Variants in WDR72 observed in about 807,000 individuals in gnomAD.
WDR72 encodes the protein WD repeat-containing protein 72.
In WDR72, 120 loss-of-function variants were observed where a neutral mutation model predicts 124.2. The ratio of observed to expected loss-of-function variants is 0.97; its 90% CI spans 0.83 to 1.12. The LOEUF (loss-of-function observed/expected upper bound fraction) is 1.12, where lower values mean the gene tolerates loss of function less well. WDR72 is among the 50% of genes most tolerant of loss of function. The pLI is 0.00. For missense variants in WDR72, 1,387 were observed against 1,278.8 expected, an observed-to-expected ratio of 1.08 and a Z score of -1.29; for synonymous variants, 452 against 441.7, an observed-to-expected ratio of 1.02 and a Z score of -0.29.
intron 1 of WDR72, among the ~76,000 whole-genome samples, chr15:53,741,514 C>T (rs58710249): frequency 0.06 from 9,170 of 152,162 alleles, 955 homozygotes; most frequent in African/African-American, 0.21. Flanking sequence ...TAGGTTACTA[C>T]CACCTGAGCT....
At chr15:53,540,951 G>C (rs182688554) in intron 18 of WDR72, 1 of 157,248 alleles carries the variant, frequency 6.4e-6, no homozygotes, top group African/African-American at 2.4e-5. Flanking sequence ...AAAAAACGGC[G>C]CACCACGAGA....
chr15:53,708,482 T>C (rs1180089224), intron 9 of WDR72, among the ~76,000 whole-genome samples: 1 of 152,162 alleles, frequency 6.6e-6, no homozygotes, highest in East Asian at 1.9e-4. Flanking sequence ...TTTTAACAAT[T>C]CTGGTAATTC....
chr15:53,580,708 A>G (rs1233554512), intron 18 of WDR72, among the ~76,000 whole-genome samples: 2 of 152,020 alleles, frequency 1.3e-5, no homozygotes, highest in African/African-American at 4.8e-5. Flanking sequence ...AAATCATGAG[A>G]TAAGCCTTAA....
At chr15:53,609,817 G>A (rs1792588595) in intron 16 of WDR72, among the ~76,000 whole-genome samples, 1 of 147,074 alleles carries the variant, frequency 6.8e-6, no homozygotes, top group African/African-American at 2.5e-5. Flanking sequence ...ATACAGCCAG[G>A]GTTCACATCC....
Position 53,523,147 on chromosome 15 carries a change from C to T in WDR72, c.3253+71G>A, listed in dbSNP as rs889339772. ...GCATTACAATGTCCTCTCCCCTCAC[C>T]CCCTTCCAAGGACCCCAAAGCTGTG... On this transcript the variant is annotated intron_variant, in intron 19 of 19. Coordinates refer to ENST00000360509, the MANE Select transcript of WDR72 (RefSeq NM_182758.4). The T allele has an allele frequency of 9.9e-6, 14 of 1,418,458 alleles. No homozygotes were observed. In the African/African-American group the frequency reaches 2.0e-4, roughly 20 times the overall value. The allele number at this position is 1,418,458 out of a possible 1,614,324, so 87.9% of individuals were successfully genotyped here. A position where few individuals can be genotyped will look rare whatever the true frequency, so the allele number is the denominator to read the frequency against.
rs1294233518 is a variant in WDR72, at chr15:53,665,569, T to C, written c.1962+3A>G. 6.2e-7 allele frequency: 1 copy of C among 1,613,632 alleles called. No homozygotes were observed. The highest frequency in any genetic ancestry group is 1.3e-5 in the African/African-American group (1 of 74,906). On this transcript the variant is annotated splice_donor_region_variant and intron_variant, in intron 14 of 19. Transcript: ENST00000360509. ...TGTGAACAACAGCTTGATTTGAACT[T>C]ACCTTACATGAAGACTCCACCTGCA...
intron 14 of WDR72, among the ~76,000 whole-genome samples, chr15:53,619,375 G>GTTA: frequency 6.6e-6 from 1 of 151,548 alleles, no homozygotes; most frequent in South Asian, 2.1e-4. Context: ...GTGAATACCA[G>GTTA]GTATCCAGGG....
intron 14 of WDR72, among the ~76,000 whole-genome samples, chr15:53,637,704 C>G (rs1027028451): frequency 6.6e-6 from 1 of 152,180 alleles, no homozygotes; most frequent in African/African-American, 2.4e-5. Flanking sequence ...CCCCTCTTCT[C>G]AGCTTCTATC....
intron 13 of WDR72, among the ~76,000 whole-genome samples, chr15:53,672,661 T>G (rs1595837364): frequency 6.6e-6 from 1 of 152,274 alleles, no homozygotes; most frequent in East Asian, 1.9e-4. Flanking sequence ...AAGAGCACAC[T>G]TCTATACATC....
intron 18 of WDR72, among the ~76,000 whole-genome samples, chr15:53,585,263 G>A (rs1052356279): frequency 1.3e-5 from 2 of 151,978 alleles, no homozygotes; most frequent in Admixed American, 1.3e-4. Context: ...GGGGAAGCAG[G>A]CACCTTCTTT....
intron 18 of WDR72, among the ~76,000 whole-genome samples, chr15:53,560,342 A>G (rs186136943): frequency 6.6e-6 from 1 of 151,922 alleles, no homozygotes; most frequent in South Asian, 2.1e-4. Flanking sequence ...AAAAACAACA[A>G]CAAAACAAAA....
intron 1 of WDR72, among the ~76,000 whole-genome samples, chr15:53,750,270 G>A (rs2018742517): frequency 6.6e-6 from 1 of 152,060 alleles, no homozygotes; most frequent in Admixed American, 6.6e-5. Context: ...AACAATTCTA[G>A]GGCCCTTAAG....
intron 18 of WDR72, among the ~76,000 whole-genome samples, chr15:53,541,332 AC>A (rs1893117998): frequency 6.6e-6 from 1 of 151,914 alleles, no homozygotes; most frequent in South Asian, 2.1e-4. Flanking sequence ...TGGGTCCCTG[AC>A]CCCTGACCCC....
chr15:53,545,161 ACT>A (rs1224985899), intron 18 of WDR72, among the ~76,000 whole-genome samples: 11 of 151,002 alleles, frequency 7.3e-5, no homozygotes, highest in African/African-American at 2.5e-4. Context: ...GGAAAAAACT[ACT>A]TTAAAGTTCA....
chr15:53,585,129 T>C (rs1161009140), intron 18 of WDR72, among the ~76,000 whole-genome samples: 1 of 151,998 alleles, frequency 6.6e-6, no homozygotes, highest in Non-Finnish European at 1.5e-5. Context: ...ATTAGTCTAT[T>C]TTCACACTGC....
intron 18 of WDR72, among the ~76,000 whole-genome samples, chr15:53,535,993 C>T (rs145964008): frequency 2.0e-5 from 3 of 152,276 alleles, no homozygotes; most frequent in South Asian, 2.1e-4. Context: ...TGCCTGCATG[C>T]GTGTTTAAAG....
At chr15:53,536,535 T>G (rs1022435614) in intron 18 of WDR72, among the ~76,000 whole-genome samples, 2 of 152,070 alleles carry the variant, frequency 1.3e-5, no homozygotes, top group Non-Finnish European at 2.9e-5. Flanking sequence ...CTCTCCTACA[T>G]CTATAAGAGA....
At chr15:53,621,953 T>C (rs1338305875) in intron 14 of WDR72, among the ~76,000 whole-genome samples, 3 of 151,838 alleles carry the variant, frequency 2.0e-5, no homozygotes, top group Non-Finnish European at 2.9e-5. Context: ...CCCATTAAAA[T>C]GTGGGCAAAA....
chr15:53,532,318 T>G (rs1892526213), intron 18 of WDR72, among the ~76,000 whole-genome samples: 1 of 152,026 alleles, frequency 6.6e-6, no homozygotes, highest in African/African-American at 2.4e-5. Flanking sequence ...AGGAAATCAG[T>G]ATGTCAAAGG....
Sources: allele counts gnomAD v4.1 joint callset (sites outside exome capture counted in the v4.1 genomes callset), GRCh38; gene constraint gnomAD v4.1.1; transcripts MANE v1.5; gene names NCBI Gene and HGNC (gene_info 2026-07-23, HGNC 2026-07-21).